GFPT2: variants seen among roughly 807,000 people sequenced by gnomAD.
GFPT2 encodes the protein glutamine--fructose-6-phosphate transaminase 2.
A neutral mutation model predicts 85.6 loss-of-function variants in GFPT2; 62 were observed. The observed-to-expected ratio is 0.72, with a 90% CI of 0.59 to 0.90. GFPT2 has a LOEUF of 0.90. GFPT2 is among the 40% of genes least tolerant of loss of function. GFPT2 has a pLI of 0.00. For synonymous variants in GFPT2, 368 were observed against 344.5 expected (o/e 1.07, Z -0.75); for missense variants, 788 against 893.4 (o/e 0.88, Z 1.50).
At chr5:180,316,575 C>T (rs995024761) in intron 12 of GFPT2, 114 bp from the exon 13 acceptor site, 7 of 1,235,334 alleles carry the variant, frequency 5.7e-6, no homozygotes, top group South Asian at 2.7e-5. Flanking sequence ...GTCCAGGTGG[C>T]GAGGGGACTT....
intron 17 of GFPT2, among the ~76,000 whole-genome samples, chr5:180,303,272 C>CTAGAAAACA (rs1763715779): frequency 6.6e-6 from 1 of 151,702 alleles, no homozygotes; most frequent in Non-Finnish European, 1.5e-5. Flanking sequence ...GCCACCAAGG[C>CTAGAAAACA]TAGAAAACAG....
At chr5:180,312,060 A>G (rs183557368) in intron 15 of GFPT2, among the ~76,000 whole-genome samples, 3,099 of 62,952 alleles carry the variant, frequency 0.049, 802 homozygotes, top group South Asian at 0.078. Context: ...GCAGGGAGGC[A>G]GGGAGGCGGG....
intron 4 of GFPT2, among the ~76,000 whole-genome samples, chr5:180,332,265 C>A (rs184170955): frequency 8.5e-6 from 1 of 117,136 alleles, no homozygotes; most frequent in African/African-American, 4.3e-5. Flanking sequence ...CAGGGGGATG[C>A]GGGGGATGCG....
rs766292360 is a variant in GFPT2 at position 180,330,666 on chromosome 5, G to T, written c.534+34C>A. The stretch of plus-strand genomic sequence containing the variant: ...AAAATGTTTTTAATGAAAGAATGAA[G>T]GAATGAGTTAGACAGATGGGATTTG... On this transcript the variant is annotated intron_variant, in intron 6 of 18. Transcript: ENST00000253778. This position sits in a 1 kb window ranked among gnomAD's most constrained non-coding sequence, Gnocchi z 4.4. The T allele has an allele frequency of 6.4e-7, 1 of 1,558,478 alleles. No homozygotes were observed. The highest frequency in any genetic ancestry group is 1.8e-5 in the Admixed American group (1 of 55,642).
intron 2 of GFPT2, among the ~76,000 whole-genome samples, chr5:180,337,378 A>G (rs574405622): frequency 4.4e-4 from 66 of 151,212 alleles, no homozygotes; most frequent in East Asian, 2.9e-3. Context: ...GCGTGAACCC[A>G]GGAGGCGGAG....
In GFPT2 at chr5:180,331,622, T is replaced by C. The variant is rs1318704901; in HGVS notation, c.341-69A>G. On this transcript the variant is annotated intron_variant, in intron 4 of 18. Coordinates refer to ENST00000253778, the MANE Select transcript of GFPT2 (RefSeq NM_005110.4). ...CATGTCAGATGTGAAGAGAGATGAT[T>C]TCAAGGCTTGAGAACTCTCTGCAAA... 4.3e-6 allele frequency: 4 copies of C among 940,734 alleles called. No homozygotes were observed. The Admixed American group carries it at 5.4e-5, about 13-fold the overall frequency. 58.3% of individuals were successfully genotyped at this position (940,734 alleles called of 1,614,324 possible). A position where few individuals can be genotyped will look rare whatever the true frequency, so the allele number is the denominator to read the frequency against.
At chr5:180,332,016 A>T (rs1334429555) in intron 4 of GFPT2, among the ~76,000 whole-genome samples, 1 of 152,212 alleles carries the variant, frequency 6.6e-6, no homozygotes, top group East Asian at 1.9e-4. Context: ...GTGTTGTAAA[A>T]ATATTTGAGT....
chr5:180,310,179 T>G (rs1001681958), intron 15 of GFPT2, among the ~76,000 whole-genome samples: 1 of 152,084 alleles, frequency 6.6e-6, no homozygotes, highest in Non-Finnish European at 1.5e-5. Context: ...CTCGGCTCAC[T>G]GCAATCTCCG....
chr5:180,331,462 G>C, intron 5 of GFPT2, 33 bp downstream of exon 5: 1 of 1,320,502 alleles, frequency 7.6e-7, no homozygotes, highest in South Asian at 1.2e-5. Context: ...CAATCCCACC[G>C]GACTGAGACA....
At chr5:180,311,222 C>T (rs1286827845) in intron 15 of GFPT2, among the ~76,000 whole-genome samples, 4 of 152,210 alleles carry the variant, frequency 2.6e-5, no homozygotes, top group African/African-American at 7.2e-5. Context: ...CCGCAGTGAG[C>T]GTTCCATGCC....
At chr5:180,336,410 G>T in intron 3 of GFPT2, 69 bp downstream of exon 3, 1 of 856,242 alleles carries the variant, frequency 1.2e-6, no homozygotes, top group Non-Finnish European at 2.0e-6. Context: ...CTCCGGCGCT[G>T]TTGGAATACG....
intron 1 of GFPT2, among the ~76,000 whole-genome samples, chr5:180,351,182 T>C (rs1403621645): frequency 6.6e-6 from 1 of 152,238 alleles, no homozygotes; most frequent in Non-Finnish European, 1.5e-5. Context: ...TTGTCATACA[T>C]ACTCAGACCA....
rs1764754555 is a variant in GFPT2 at position 180,353,289 on chromosome 5, G to A, written c.-72C>T. 8.8e-7 allele frequency: 1 copy of A among 1,132,464 alleles called. No individual in the cohort carries two copies. Among genetic ancestry groups the A allele is most frequent in the Non-Finnish European group, 1.1e-6 (1 of 908,114 alleles). The allele number at this position is 1,132,464 out of a possible 1,614,324, so 70.2% of individuals were successfully genotyped here. On this transcript the variant is annotated 5_prime_UTR_variant, in exon 1 of 19. Transcript: ENST00000253778. ...TTCGGACGCTGGGGCTCCTCCGTGG[G>A]CTCCTCCGTGGGCTCCGTGGGCTCC...
chr5:180,322,009 G>A (rs1035083734), intron 9 of GFPT2, among the ~76,000 whole-genome samples: 14 of 151,390 alleles, frequency 9.2e-5, no homozygotes, highest in African/African-American at 2.9e-4. Flanking sequence ...GGATGGTCTC[G>A]ATCTCCTGAT....
chr5:180,352,696 ACT>A, intron 1 of GFPT2: 1 of 425,872 alleles, frequency 2.3e-6, no homozygotes, highest in Non-Finnish European at 4.6e-6. Flanking sequence ...TGCCTGAGGC[ACT>A]GACGCAGCGG....
chr5:180,352,566 G>T (rs1462792569), intron 1 of GFPT2: 1 of 449,120 alleles, frequency 2.2e-6, no homozygotes, highest in Non-Finnish European at 4.4e-6. Flanking sequence ...CCCTCTCGTG[G>T]CTTCGGGCCG....
chr5:180,302,525 C>T lies in GFPT2; in HGVS notation c.1902G>A (p.Lys634=). Residue 634 remains lysine (K), a synonymous_variant, in exon 18 of 19, where the codon AAG becomes AAA. Transcript: ENST00000253778. ...DDTESSKFAY[K]TIELPHTVDC... ...CCACAGTGTGGGGCAGCTCAATTGT[C>T]TTATACGCAAACTTGGAACTTTCAG... 1 of 1,614,040 alleles carries T rather than the reference C, an allele frequency of 6.2e-7. No homozygotes were observed. Among genetic ancestry groups the T allele is most frequent in the Non-Finnish European group, 8.5e-7 (1 of 1,179,930 alleles).
At chr5:180,321,761 GGTTTTGTTTTGTTTTGTTTT>G (rs10610483) in intron 9 of GFPT2, among the ~76,000 whole-genome samples, 11 of 150,656 alleles carry the variant, frequency 7.3e-5, no homozygotes, top group Middle Eastern at 3.4e-3. Context: ...TAATATGGAG[GGTTTTGTTTTGTTTTGTTTT>G]GTTTTGTTTT....
At chr5:180,353,183 A>C (rs1429456013) in intron 1 of GFPT2, 28 bp downstream of exon 1, 23 of 1,232,596 alleles carry the variant, frequency 1.9e-5, no homozygotes, top group Admixed American at 4.2e-5. Context: ...GGCGTGGAGG[A>C]GGCGGCTCGG....
Sources: allele counts gnomAD v4.1 joint callset (sites outside exome capture counted in the v4.1 genomes callset), GRCh38; gene constraint gnomAD v4.1.1; non-coding constraint Gnocchi (gnomAD v3.1); transcripts MANE v1.5; gene names NCBI Gene and HGNC (gene_info 2026-07-23, HGNC 2026-07-21).